Variants in PDE7B observed in about 807,000 individuals in gnomAD.
PDE7B encodes phosphodiesterase 7B, also known as 3',5'-cyclic-AMP phosphodiesterase 7B.
In PDE7B, 29 loss-of-function variants were observed where a neutral mutation model predicts 56.2. That is an observed-to-expected ratio of 0.52 (90% CI 0.38 to 0.70). The LOEUF is 0.70. PDE7B is among the 30% of genes least tolerant of loss of function. The pLI, the probability that PDE7B is intolerant of heterozygous loss-of-function variation, is 0.00. For missense variants in PDE7B, 490 were observed against 565.0 expected, an observed-to-expected ratio of 0.87 and a Z score of 1.35; for synonymous variants, 197 against 196.9, an observed-to-expected ratio of 1.00 and a Z score of 0.00.
chr6:136,128,194 C>A (rs1778052768), intron 3 of PDE7B, among the ~76,000 whole-genome samples: 1 of 152,156 alleles, frequency 6.6e-6, no homozygotes, highest in South Asian at 2.1e-4. Context: ...TAGCTTAGCA[C>A]CCGTGTGCAA....
intron 2 of PDE7B, among the ~76,000 whole-genome samples, chr6:136,000,228 T>A (rs959763439): frequency 2.0e-5 from 3 of 152,240 alleles, no homozygotes; most frequent in Non-Finnish European, 4.4e-5. Context: ...TAGCTTCTTT[T>A]GCTGTGATGA....
intron 8 of PDE7B, among the ~76,000 whole-genome samples, chr6:136,163,226 A>T (rs542754359): frequency 6.6e-6 from 1 of 152,386 alleles, no homozygotes; most frequent in East Asian, 1.9e-4. Flanking sequence ...GCATTTCTGT[A>T]CATCCTTTGA....
At chr6:135,940,823 A>C (rs1356603522) in intron 1 of PDE7B, among the ~76,000 whole-genome samples, 2 of 152,190 alleles carry the variant, frequency 1.3e-5, no homozygotes, top group African/African-American at 4.8e-5. Flanking sequence ...ATCTCTTCTC[A>C]TGCTACCCCA....
intron 3 of PDE7B, among the ~76,000 whole-genome samples, chr6:136,142,006 G>T (rs1341266609): frequency 1.3e-5 from 2 of 152,124 alleles, no homozygotes; most frequent in Non-Finnish European, 2.9e-5. Flanking sequence ...GCTTTTGCGT[G>T]TGTTTGCTCT....
At chr6:135,959,980 C>T (rs1240581554) in intron 2 of PDE7B, among the ~76,000 whole-genome samples, 2 of 152,070 alleles carry the variant, frequency 1.3e-5, no homozygotes, top group Admixed American at 1.3e-4. Flanking sequence ...CACCATCTTG[C>T]CCAGGTTGGT....
At chr6:136,184,295 A>G (rs1397755825) in intron 11 of PDE7B, among the ~76,000 whole-genome samples, 2 of 152,224 alleles carry the variant, frequency 1.3e-5, no homozygotes, top group Non-Finnish European at 2.9e-5. Flanking sequence ...TAAGTGAATG[A>G]ATAAATGATC....
chr6:136,005,345 T>G (rs907918866), intron 2 of PDE7B, among the ~76,000 whole-genome samples: 1 of 152,030 alleles, frequency 6.6e-6, no homozygotes, highest in African/African-American at 2.4e-5. Context: ...AAAGCCAAAA[T>G]TGACAAATGG....
At chr6:136,014,617 G>A (rs189594502) in intron 2 of PDE7B, among the ~76,000 whole-genome samples, 4 of 152,150 alleles carry the variant, frequency 2.6e-5, no homozygotes, top group Admixed American at 2.0e-4. Context: ...CATGACATAG[G>A]TGGCAGTATT....
intron 2 of PDE7B, among the ~76,000 whole-genome samples, chr6:135,997,876 T>C (rs1775593287): frequency 6.6e-6 from 1 of 152,140 alleles, no homozygotes; most frequent in African/African-American, 2.4e-5. Context: ...TATTATATGG[T>C]CATTTTCTTT....
At chr6:135,979,460 T>C (rs1210945984) in intron 2 of PDE7B, among the ~76,000 whole-genome samples, 2 of 151,620 alleles carry the variant, frequency 1.3e-5, no homozygotes, top group Non-Finnish European at 2.9e-5. Flanking sequence ...TGGTACCAGT[T>C]CCTCCTTGTA....
intron 2 of PDE7B, among the ~76,000 whole-genome samples, chr6:136,023,789 T>G (rs1228332433): frequency 6.6e-6 from 1 of 151,844 alleles, no homozygotes; most frequent in Non-Finnish European, 1.5e-5. Flanking sequence ...AATATAGATA[T>G]AAATAGATAT....
intron 2 of PDE7B, among the ~76,000 whole-genome samples, chr6:136,045,629 C>T (rs192872428): frequency 6.0e-4 from 91 of 152,120 alleles, no homozygotes; most frequent in African/African-American, 2.0e-3. Flanking sequence ...AAAGACAAAG[C>T]AGGGTTTAGT....
At chr6:136,101,824 C>T (rs532305180) in intron 2 of PDE7B, among the ~76,000 whole-genome samples, 47 of 152,332 alleles carry the variant, frequency 3.1e-4, no homozygotes, top group African/African-American at 1.0e-3. Context: ...CTGTGGTCCA[C>T]AGCACACCTG....
chr6:135,852,926 T>G (rs1457472194), intron 1 of PDE7B, among the ~76,000 whole-genome samples: 2 of 152,176 alleles, frequency 1.3e-5, no homozygotes, highest in African/African-American at 2.4e-5. Flanking sequence ...TCATATACAG[T>G]AAACACACTA....
intron 2 of PDE7B, among the ~76,000 whole-genome samples, chr6:136,095,404 T>TG (rs900241347): frequency 2.4e-4 from 37 of 152,310 alleles, no homozygotes; most frequent in African/African-American, 8.4e-4. Context: ...ACAAAGTGAT[T>TG]GGCAAAGCAG....
chr6:136,151,305 A>T lies in PDE7B; in HGVS notation c.478+50A>T, dbSNP rs374947335. On this transcript the variant is annotated intron_variant, in intron 6 of 12. Coordinates refer to ENST00000308191, the MANE Select transcript of PDE7B (RefSeq NM_018945.4). ...AGCCCCATTCTCTTGAATAATGGCA[A>T]TGCATAATACTCTTTAATATAAAGT... 3.4e-6 allele frequency: 3 copies of T among 877,702 alleles called. No homozygotes were observed. In the Admixed American group the frequency reaches 5.1e-5, roughly 15 times the overall value. 54.4% of individuals were successfully genotyped at this position (877,702 alleles called of 1,614,324 possible).
intron 1 of PDE7B, among the ~76,000 whole-genome samples, chr6:135,889,001 A>C (rs1775759465): frequency 1.3e-5 from 2 of 152,206 alleles, no homozygotes; most frequent in African/African-American, 4.8e-5. Flanking sequence ...CCAGTGATTC[A>C]TCCCTAACTT....
intron 2 of PDE7B, among the ~76,000 whole-genome samples, chr6:136,047,797 C>G (rs1237078939): frequency 6.6e-6 from 1 of 152,150 alleles, no homozygotes; most frequent in Non-Finnish European, 1.5e-5. Flanking sequence ...TTTCTTTACT[C>G]AGTGCATAGC....
chr6:135,866,129 T>C (rs562384643), intron 1 of PDE7B, among the ~76,000 whole-genome samples: 2 of 152,292 alleles, frequency 1.3e-5, no homozygotes, highest in African/African-American at 4.8e-5. Context: ...ATTCCAACTG[T>C]TCAGAAGGGC....
Sources: gnomAD v4.1 joint callset for allele counts (sites outside exome capture counted in the v4.1 genomes callset) on GRCh38, gnomAD v4.1.1 for gene constraint, MANE v1.5 for transcripts, NCBI Gene and HGNC (gene_info 2026-07-23, HGNC 2026-07-21) for gene names.